The following CCDC50 variants were observed in gnomAD, a reference collection of about 807,000 sequenced individuals.
CCDC50 encodes coiled-coil domain containing 50, also known as coiled-coil domain-containing protein 50.
A neutral mutation model predicts 70.2 loss-of-function variants in CCDC50; 54 were observed. The observed-to-expected ratio is 0.77, with a 90% CI of 0.62 to 0.96. CCDC50 has a LOEUF of 0.96. Among genes scored for constraint, CCDC50 ranks in the 50% least tolerant of loss-of-function variants. The probability of loss-of-function intolerance (pLI) is 0.00; values close to 1 mark genes in which losing one functional copy is unlikely to be tolerated. For missense variants in CCDC50, 558 were observed against 578.7 expected (o/e 0.96, Z 0.37); for synonymous variants, 216 against 198.8 (o/e 1.09, Z -0.73).
At chr3:191,374,930 T>A (rs1006425884) in intron 5 of CCDC50, 132 bp from the exon 6 acceptor site, 3 of 942,296 alleles carry the variant, frequency 3.2e-6, no homozygotes, top group Admixed American at 4.0e-5. Context: ...TCAATTTAAG[T>A]TGAAAAAGCA....
intron 1 of CCDC50, among the ~76,000 whole-genome samples, chr3:191,340,241 TA>T (rs1429683866): frequency 6.6e-6 from 1 of 152,240 alleles, no homozygotes; most frequent in Non-Finnish European, 1.5e-5. Flanking sequence ...GAGCCAAGAC[TA>T]AAATTCTGAC....
intron 7 of CCDC50, 100 bp from the exon 8 acceptor site, chr3:191,380,587 A>G (rs1713282528): frequency 2.6e-6 from 3 of 1,140,492 alleles, no homozygotes; most frequent in Non-Finnish European, 3.9e-6. Context: ...AACATGAGTC[A>G]CAATTATTTT....
intron 4 of CCDC50, among the ~76,000 whole-genome samples, chr3:191,366,542 A>G (rs1281076582): frequency 6.6e-6 from 1 of 152,164 alleles, no homozygotes; most frequent in African/African-American, 2.4e-5. Flanking sequence ...AATGACTTTA[A>G]AAGAGCTTAA....
rs1285698311 is a variant in CCDC50, at chr3:191,396,755, A to G, written c.*4995A>G. On this transcript the variant is annotated 3_prime_UTR_variant, in exon 12 of 12. Transcript: ENST00000392455. ...GTTTTATTACTTATAAGAGAAAAGC[A>G]GGAAAACTTTTGCTTTGATAAGAAA... is the stretch of plus-strand genomic sequence containing the variant. The G allele has an allele frequency of 2.6e-5, 4 of 152,242 alleles. No individual in the cohort carries two copies. The highest frequency in any genetic ancestry group is 1.3e-4 in the Admixed American group (2 of 15,288). The allele number at this position is 152,242 out of a possible 1,614,324, so 9.4% of individuals were successfully genotyped here.
At chr3:191,390,784 C>T (rs1437030263) in intron 11 of CCDC50, among the ~76,000 whole-genome samples, 1 of 152,192 alleles carries the variant, frequency 6.6e-6, no homozygotes, top group East Asian at 1.9e-4. Flanking sequence ...GTGCCAACCC[C>T]TTATCTCATC....
At chr3:191,339,163 G>A (rs1361642672) in intron 1 of CCDC50, among the ~76,000 whole-genome samples, 1 of 152,150 alleles carries the variant, frequency 6.6e-6, no homozygotes, top group Non-Finnish European at 1.5e-5. Context: ...ACTTGTCATG[G>A]TTTATATTGA....
rs1046805504 is a variant in CCDC50, at chr3:191,398,591, C to G, written c.*6831C>G. ...TTCTTACTCCATTTCCATACACTTT[C>G]TGTAAATATGTATAACATGATAATG... On this transcript the variant is annotated 3_prime_UTR_variant, in exon 12 of 12. Transcript: ENST00000392455. The G allele has an allele frequency of 6.6e-6, 1 of 152,188 alleles. No homozygotes were observed. The highest frequency in any genetic ancestry group is 1.5e-5 in the Non-Finnish European group (1 of 68,034). 9.4% of individuals were successfully genotyped at this position (152,188 alleles called of 1,614,324 possible). A position where few individuals can be genotyped will look rare whatever the true frequency, so the allele number is the denominator to read the frequency against.
intron 6 of CCDC50, among the ~76,000 whole-genome samples, chr3:191,377,110 G>T (rs1192353184): frequency 1.3e-5 from 2 of 152,072 alleles, no homozygotes; most frequent in African/African-American, 4.8e-5. Flanking sequence ...TTACCAGGCG[G>T]ATATTAAAAC....
chr3:191,352,048 C>A (rs76075882), intron 1 of CCDC50, among the ~76,000 whole-genome samples: 2,359 of 141,986 alleles, frequency 0.017, 282 homozygotes, highest in African/African-American at 0.055. Flanking sequence ...TTAAATCACC[C>A]CCACTTCTTA....
intron 1 of CCDC50, among the ~76,000 whole-genome samples, chr3:191,344,571 T>TTTTG (rs113570154): frequency 0.012 from 1,789 of 152,210 alleles, 33 homozygotes; most frequent in African/African-American, 0.039. Context: ...TGTCATTTCC[T>TTTTG]TTTGTTTGTT....
At chr3:191,379,271 A>T (rs188773684) in intron 6 of CCDC50, among the ~76,000 whole-genome samples, 30 of 152,156 alleles carry the variant, frequency 2.0e-4, no homozygotes, top group African/African-American at 6.5e-4. Flanking sequence ...TGTTCAAAGC[A>T]CCCTCATGTG....
rs575502450 is a variant in CCDC50 at position 191,361,326 on chromosome 3, G to C, written c.330+167G>C. The stretch of plus-strand genomic sequence containing the variant: ...TGTGGACCATGATTTATAGCCTCTT[G>C]ATTATGTAAATGGTAAAAGTCTTGA... On this transcript the variant is annotated intron_variant, in intron 4 of 11. Transcript: ENST00000392455. Among the ~76,000 whole-genome samples the C allele has an allele frequency of 2.0e-5, 3 of 152,316 alleles. No homozygotes were observed. In the South Asian group the frequency reaches 6.2e-4, roughly 32 times the overall value.
intron 1 of CCDC50, among the ~76,000 whole-genome samples, chr3:191,344,570 CTTTTG>C (rs970496900): frequency 2.0e-5 from 3 of 151,648 alleles, no homozygotes; most frequent in Non-Finnish European, 4.4e-5. Context: ...ATGTCATTTC[CTTTTG>C]TTTGTTTGTT....
At chr3:191,362,838 A>G (rs909338056) in intron 4 of CCDC50, among the ~76,000 whole-genome samples, 3 of 152,228 alleles carry the variant, frequency 2.0e-5, no homozygotes, top group Non-Finnish European at 4.4e-5. Context: ...AATCATGATC[A>G]TGTGATAATC....
Position 191,398,597 on chromosome 3 carries a change from A to G in CCDC50, c.*6837A>G, listed in dbSNP as rs1713937024. On this transcript the variant is annotated 3_prime_UTR_variant, in exon 12 of 12. Transcript: ENST00000392455. ...CTCCATTTCCATACACTTTCTGTAAATATGTATAACATGATAATGATGCCT... is the reference window on the plus strand; with the variant it reads ...CTCCATTTCCATACACTTTCTGTAAGTATGTATAACATGATAATGATGCCT... 6.6e-6 allele frequency: 1 copy of G among 152,202 alleles called. No individual in the cohort carries two copies. Among genetic ancestry groups the G allele is most frequent in the Non-Finnish European group, 1.5e-5 (1 of 68,034 alleles). The allele number at this position is 152,202 out of a possible 1,614,324, so 9.4% of individuals were successfully genotyped here. A position where few individuals can be genotyped will look rare whatever the true frequency, so the allele number is the denominator to read the frequency against.
Position 191,375,259 on chromosome 3 carries a change from C to A in CCDC50, c.646C>A (p.Pro216Thr). 1 of 1,613,738 alleles carries A rather than the reference C, an allele frequency of 6.2e-7. No homozygotes were observed. The highest frequency in any genetic ancestry group is 1.1e-5 in the South Asian group (1 of 91,058). ...TAGCTCGGGCAAAGGGAGGGACAAT[C>A]CCCATATTAACAATGAGCAGCATGA... is the stretch of plus-strand genomic sequence containing the variant. Reference protein sequence around the residue: ...SSSSGKGRDNPHINNEQHERK... With the variant: ...SSSSGKGRDNTHINNEQHERK... The change falls in exon 6 of 12, where the codon CCC becomes ACC. Residue 216 changes from proline (P) to threonine (T), a missense_variant. Coordinates refer to ENST00000392455, the MANE Select transcript of CCDC50 (RefSeq NM_178335.3).
intron 1 of CCDC50, among the ~76,000 whole-genome samples, chr3:191,342,887 C>A (rs1243708687): frequency 2.0e-5 from 3 of 152,192 alleles, no homozygotes; most frequent in African/African-American, 7.2e-5. Flanking sequence ...TTATGACTAT[C>A]AGTGGCCTGT....
chr3:191,382,827 T>C lies in CCDC50; in HGVS notation c.1322+2T>C. On this transcript the variant is annotated splice_donor_variant, in intron 10 of 11. Transcript: ENST00000392455. LOFTEE classifies it high-confidence loss of function. ...TTCTAAGAATGAAAGGCCAGCACGG[T>C]AAGCTGACACCTGAAAAGAAAAATG... 1 of 1,606,198 alleles carries C rather than the reference T, an allele frequency of 6.2e-7. No individual in the cohort carries two copies. Among genetic ancestry groups the C allele is most frequent in the Non-Finnish European group, 8.5e-7 (1 of 1,173,094 alleles).
At chr3:191,337,630 ACT>A (rs1711564147) in intron 1 of CCDC50, among the ~76,000 whole-genome samples, 1 of 152,024 alleles carries the variant, frequency 6.6e-6, no homozygotes, top group Non-Finnish European at 1.5e-5. Flanking sequence ...AGCATTAGCC[ACT>A]GCACCCAGCC....
Sources: allele counts gnomAD v4.1 joint callset (sites outside exome capture counted in the v4.1 genomes callset), GRCh38; gene constraint gnomAD v4.1.1; transcripts MANE v1.5; gene names NCBI Gene and HGNC (gene_info 2026-07-23, HGNC 2026-07-21).